The following AHI1 variants were observed in gnomAD, a reference collection of about 807,000 sequenced individuals.
AHI1 encodes Abelson helper integration site 1, also known as jouberin.
AHI1 carries 123 observed loss-of-function variants against 149.3 expected under a neutral mutation model. The observed-to-expected ratio is 0.82, with a 90% CI of 0.71 to 0.96. AHI1 has a LOEUF of 0.96. Among genes scored for constraint, AHI1 ranks in the 40% least tolerant of loss-of-function variants. The pLI is 0.00. For missense variants in AHI1, 1,439 were observed against 1,422.7 expected, an observed-to-expected ratio of 1.01 and a Z score of -0.18; for synonymous variants, 475 against 459.8, an observed-to-expected ratio of 1.03 and a Z score of -0.42.
intron 5 of AHI1, chr6:135,474,514 T>C (rs921382111): frequency 6.6e-6 from 1 of 152,050 alleles, no homozygotes; most frequent in African/African-American, 2.4e-5. Flanking sequence ...TTTAGACTAG[T>C]CAAATGCAGT....
At chr6:135,492,377 T>C in intron 3 of AHI1, 86 bp from the exon 4 acceptor site, 1 of 1,413,494 alleles carries the variant, frequency 7.1e-7, no homozygotes, top group East Asian at 2.6e-5. Flanking sequence ...CATGCCATTG[T>C]ATGTCCACTA....
In AHI1 at chr6:135,303,454, T is replaced by G. The variant is rs756814469; in HGVS notation, c.3427-2896A>C. On this transcript the variant is annotated intron_variant, in intron 26 of 28. Coordinates refer to ENST00000265602, the MANE Select transcript of AHI1 (RefSeq NM_001134831.2). Reference sequence around the variant, plus strand: ...TGTAGGAGTTTTTAAAAAAAGGATGTGAGAGAGGAAAAACAACTAAAGTTG... The same window carrying G: ...TGTAGGAGTTTTTAAAAAAAGGATGGGAGAGAGGAAAAACAACTAAAGTTG... Among the ~76,000 whole-genome samples, 112 of 152,214 alleles carry G rather than the reference T, an allele frequency of 7.4e-4. 1 individual carries two copies. The highest frequency in any genetic ancestry group is 1.5e-3 in the Non-Finnish European group (100 of 68,000).
At chr6:135,370,577 T>C (rs1774896284) in intron 23 of AHI1, among the ~76,000 whole-genome samples, 1 of 152,238 alleles carries the variant, frequency 6.6e-6, no homozygotes, top group African/African-American at 2.4e-5. Flanking sequence ...TCTCAATAAA[T>C]GTTCCCATGT....
intron 24 of AHI1, among the ~76,000 whole-genome samples, chr6:135,325,215 C>T (rs1168985937): frequency 2.0e-5 from 3 of 151,982 alleles, no homozygotes; most frequent in Admixed American, 6.6e-5. Flanking sequence ...TTAGTAGAGA[C>T]GGGGTTTCTC....
chr6:135,330,408 A>G lies in AHI1; in HGVS notation c.3166-7084T>C, dbSNP rs868758348. On this transcript the variant is annotated intron_variant, in intron 24 of 28. Transcript: ENST00000265602. ...AGATGACTTGCTGAAGGCTGAGATG[A>G]TCATTGGTATTTTTTAGCAATCAAG... Among the ~76,000 whole-genome samples the G allele has an allele frequency of 4.7e-4, 72 of 152,228 alleles. 1 individual carries two copies. The highest frequency in any genetic ancestry group is 1.7e-3 in the African/African-American group (70 of 41,450).
intron 24 of AHI1, among the ~76,000 whole-genome samples, chr6:135,354,761 A>T (rs1357267901): frequency 6.6e-6 from 1 of 152,198 alleles, no homozygotes; most frequent in Non-Finnish European, 1.5e-5. Flanking sequence ...CATCATGATT[A>T]TCTCATGTCT....
chr6:135,411,490 G>T lies in AHI1; in HGVS notation c.2819C>A (p.Pro940His). ...FKRYNGTFPLPGIHQSQDALC... is the reference protein window; with the variant it reads ...FKRYNGTFPLHGIHQSQDALC... ...GGCATCTTGACTTTGGTGTATTCCA[G>T]GTAATGGAAATGTTCCATTGTAGCG... is the stretch of plus-strand genomic sequence containing the variant. The change falls in exon 21 of 29, where the codon CCT (proline) becomes CAT (histidine). Residue 940 changes from proline to histidine, a missense_variant. Physicochemically the swap from Pro to His is moderately conservative, Grantham distance 77 (BLOSUM62 -2). Transcript: ENST00000265602. 1.2e-6 allele frequency: 2 copies of T among 1,611,284 alleles called. No individual in the cohort carries two copies. The highest frequency in any genetic ancestry group is 1.7e-6 in the Non-Finnish European group (2 of 1,178,538).
chr6:135,372,271 T>A (rs1013880250), intron 23 of AHI1, among the ~76,000 whole-genome samples: 12 of 152,160 alleles, frequency 7.9e-5, no homozygotes, highest in African/African-American at 2.9e-4. Context: ...TTCAAGAGCC[T>A]CAGTAGCCTG....
intron 5 of AHI1, among the ~76,000 whole-genome samples, chr6:135,482,258 C>CT (rs1327112108): frequency 6.6e-6 from 1 of 152,036 alleles, no homozygotes; most frequent in Non-Finnish European, 1.5e-5. Flanking sequence ...TTCCAAAGGC[C>CT]TTTTTTAGTG....
At chr6:135,292,135 T>C (rs199862198) in intron 27 of AHI1, among the ~76,000 whole-genome samples, 204 of 134,442 alleles carry the variant, frequency 1.5e-3, no homozygotes, top group East Asian at 3.7e-3. Context: ...CACACACACA[T>C]ACACAAACAC....
Position 135,455,822 on chromosome 6 carries a change from T to C in AHI1, c.1256A>G (p.Glu419Gly), listed in dbSNP as rs753985715. ...DFKQLKSRLP[E>G]WEEQIVFNEN... Reference sequence around the variant, plus strand: ...ATTAAATACAATTTGTTCTTCCCACTCTGGAAGTCTTGATTTTAACTGTTT... The same window carrying C: ...ATTAAATACAATTTGTTCTTCCCACCCTGGAAGTCTTGATTTTAACTGTTT... Residue 419 changes from glutamate to glycine, a missense_variant, in exon 10 of 29, where the codon GAG (glutamate) becomes GGG (glycine). Glu to Gly is a moderately conservative substitution (Grantham distance 98). Coordinates refer to ENST00000265602, the MANE Select transcript of AHI1 (RefSeq NM_001134831.2). 6.2e-7 allele frequency: 1 copy of C among 1,601,066 alleles called. No homozygotes were observed.
intron 23 of AHI1, among the ~76,000 whole-genome samples, chr6:135,362,491 T>C (rs1223059559): frequency 6.6e-6 from 1 of 152,226 alleles, no homozygotes; most frequent in Non-Finnish European, 1.5e-5. Flanking sequence ...CCACCGGCAA[T>C]GCAGGGATGT....
At chr6:135,424,243 C>CA (rs1264868258) in intron 20 of AHI1, among the ~76,000 whole-genome samples, 1 of 152,024 alleles carries the variant, frequency 6.6e-6, no homozygotes, top group East Asian at 1.9e-4. Context: ...GCGAGGATAA[C>CA]AGCCCCTATG....
At chr6:135,399,670 T>A (rs1779742796) in intron 22 of AHI1, among the ~76,000 whole-genome samples, 2 of 152,238 alleles carry the variant, frequency 1.3e-5, no homozygotes, top group Non-Finnish European at 2.9e-5. Flanking sequence ...CTAATGCTGA[T>A]GTTTCTTAAA....
chr6:135,287,812 C>T (rs1022664293), intron 28 of AHI1, among the ~76,000 whole-genome samples: 2 of 152,014 alleles, frequency 1.3e-5, no homozygotes, highest in East Asian at 1.9e-4. Context: ...AATACCGGGC[C>T]GTGGCCGGGC....
Position 135,285,550 on chromosome 6 carries a change from G to T in AHI1, c.*95C>A. 7.9e-7 allele frequency: 1 copy of T among 1,265,824 alleles called. No individual in the cohort carries two copies. Among genetic ancestry groups the T allele is most frequent in the Non-Finnish European group, 1.1e-6 (1 of 881,642 alleles). 78.4% of individuals were successfully genotyped at this position (1,265,824 alleles called of 1,614,324 possible). A position where few individuals can be genotyped will look rare whatever the true frequency, so the allele number is the denominator to read the frequency against. On this transcript the variant is annotated 3_prime_UTR_variant, in exon 29 of 29. Coordinates refer to ENST00000265602, the MANE Select transcript of AHI1 (RefSeq NM_001134831.2). Reference sequence around the variant, plus strand: ...GTAGTGGATCCTTTCTTCCTCCTTAGTATCTGAAAATTCTGAACTCTGAAG... The same window carrying T: ...GTAGTGGATCCTTTCTTCCTCCTTATTATCTGAAAATTCTGAACTCTGAAG...
intron 23 of AHI1, among the ~76,000 whole-genome samples, chr6:135,386,562 G>A (rs974783280): frequency 5.3e-5 from 8 of 151,866 alleles, no homozygotes; most frequent in Non-Finnish European, 1.2e-4. Context: ...CGCCTGCCTC[G>A]GCCTCCCAAA....
At chr6:135,356,474 T>A (rs559407728) in intron 24 of AHI1, among the ~76,000 whole-genome samples, 22 of 152,234 alleles carry the variant, frequency 1.4e-4, no homozygotes, top group African/African-American at 5.1e-4. Flanking sequence ...TTAGAGGTTA[T>A]GGAGAAAGGG....
chr6:135,392,637 T>C (rs569551964), intron 23 of AHI1, among the ~76,000 whole-genome samples: 61 of 152,322 alleles, frequency 4.0e-4, no homozygotes, highest in South Asian at 3.5e-3. Context: ...TTTGTAGTCA[T>C]GTATTTCAGA....
Sources: gnomAD v4.1 joint callset for allele counts (sites outside exome capture counted in the v4.1 genomes callset) on GRCh38, gnomAD v4.1.1 for gene constraint, MANE v1.5 for transcripts, NCBI Gene and HGNC (gene_info 2026-07-23, HGNC 2026-07-21) for gene names.